Variants in STAG3 observed in about 807,000 individuals in gnomAD.
STAG3 encodes cohesin subunit SA-3.
Under a neutral mutation model 160.7 loss-of-function variants are expected in STAG3, and 101 were observed. That is an observed-to-expected ratio of 0.63 (90% CI 0.54 to 0.74). The LOEUF is 0.74. STAG3 is among the 30% of genes least tolerant of loss of function. The pLI is 0.00. For synonymous variants in STAG3, 519 were observed against 585.0 expected (o/e 0.89, Z 1.63); for missense variants, 1,188 against 1,517.4 (o/e 0.78, Z 3.61).
At chr7:100,199,034 A>C in intron 14 of STAG3, 77 bp downstream of exon 14, 1 of 1,339,624 alleles carries the variant, frequency 7.5e-7, no homozygotes, top group Non-Finnish European at 1.1e-6. Context: ...TCACGCCTGT[A>C]AGCCCAGCAC....
chr7:100,218,602 A>C (rs1419048523), downstream of STAG3: 2 of 399,480 alleles, frequency 5.0e-6, no homozygotes, highest in African/African-American at 2.0e-5. Flanking sequence ...AAGTGAAGGG[A>C]TTTTTCTTTT....
At chr7:100,208,904 A>C (rs1801910721) in intron 29 of STAG3, among the ~76,000 whole-genome samples, 1 of 152,210 alleles carries the variant, frequency 6.6e-6, no homozygotes, top group Non-Finnish European at 1.5e-5. Flanking sequence ...CAAAAAGCCT[A>C]AAAAATAAGT....
intron 29 of STAG3, among the ~76,000 whole-genome samples, chr7:100,206,681 A>G (rs901165584): frequency 6.6e-6 from 1 of 152,034 alleles, no homozygotes; most frequent in African/African-American, 2.4e-5. Flanking sequence ...CATGTTGGCC[A>G]GGCTGGTCTC....
rs1800231553 is a variant in STAG3, at chr7:100,189,592, A to G, written c.863A>G (p.Lys288Arg). 1 of 1,613,062 alleles carries G rather than the reference A, an allele frequency of 6.2e-7. No homozygotes were observed. The highest frequency in any genetic ancestry group is 8.5e-7 in the Non-Finnish European group (1 of 1,179,616). ...CTGGAGAGCCTGTTGGAGAAACGCA[A>G]AGAGGTGAGGAGTGTTCCCTGCTTC... ...ERLESLLEKRKELQEHQEEIE... is the reference protein window; with the variant it reads ...ERLESLLEKRRELQEHQEEIE... The change falls in exon 8 of 34, where the codon AAA becomes AGA. Residue 288 changes from lysine to arginine, a missense_variant. Coordinates refer to ENST00000615138, the MANE Select transcript of STAG3 (RefSeq NM_001282717.2).
chr7:100,215,430 C>T (rs900899545), downstream of STAG3, among the ~76,000 whole-genome samples: 1 of 151,952 alleles, frequency 6.6e-6, no homozygotes, highest in African/African-American at 2.4e-5. Flanking sequence ...GGAGTCAGAG[C>T]TGGGGTGTGG....
chr7:100,200,674 T>C (rs956246299), intron 18 of STAG3, 95 bp from the exon 19 acceptor site: 1 of 1,538,884 alleles, frequency 6.5e-7, no homozygotes, highest in African/African-American at 1.4e-5. Flanking sequence ...ATCTTATCCT[T>C]GAAGTTTAAT....
chr7:100,197,911 G>A (rs1314556353), intron 11 of STAG3, 35 bp downstream of exon 11: 1 of 1,592,698 alleles, frequency 6.3e-7, no homozygotes, highest in Non-Finnish European at 8.6e-7. Flanking sequence ...TTGGCTCTTT[G>A]TCGTGGTTCC....
Position 100,210,289 on chromosome 7 carries a change from G to C in STAG3, c.3239-722G>C, listed in dbSNP as rs551026016. Among the ~76,000 whole-genome samples, 224 of 152,264 alleles carry C rather than the reference G, an allele frequency of 1.5e-3. 5 individuals are homozygous for C. The South Asian group carries it at 0.034, about 23-fold the overall frequency. On this transcript the variant is annotated intron_variant, in intron 29 of 33. Coordinates refer to ENST00000615138, the MANE Select transcript of STAG3 (RefSeq NM_001282717.2). Reference sequence around the variant, plus strand: ...GGGATTATTGTTTTTAGTGGAGAAGGGGGGTAATGGGAGTGTGACTGTTTA... The same window carrying C: ...GGGATTATTGTTTTTAGTGGAGAAGCGGGGTAATGGGAGTGTGACTGTTTA...
chr7:100,213,621 G>A (rs1470634558), intron 32 of STAG3, 114 bp from the exon 33 acceptor site: 11 of 1,554,246 alleles, frequency 7.1e-6, no homozygotes, highest in Non-Finnish European at 9.5e-6. Flanking sequence ...TGCCATAGGG[G>A]CCTGCTGTGC....
intron 15 of STAG3, 54 bp from the exon 16 acceptor site, chr7:100,199,487 G>A: frequency 6.4e-7 from 1 of 1,567,806 alleles, no homozygotes; most frequent in Non-Finnish European, 8.7e-7. Flanking sequence ...GGAGCTTGGA[G>A]TTGGAAGGTG....
intron 8 of STAG3, among the ~76,000 whole-genome samples, chr7:100,194,815 A>G (rs1483811068): frequency 6.6e-6 from 1 of 152,156 alleles, no homozygotes; most frequent in Non-Finnish European, 1.5e-5. Context: ...ATGTAACATT[A>G]AAGATTACTG....
Position 100,198,506 on chromosome 7 carries a change from T to C in STAG3, c.1276T>C (p.Cys426Arg). The C allele has an allele frequency of 1.2e-6, 2 of 1,614,226 alleles. No homozygotes were observed. Among genetic ancestry groups the C allele is most frequent in the Non-Finnish European group, 1.7e-6 (2 of 1,180,042 alleles). The change falls in exon 13 of 34, where the codon TGT (cysteine) becomes CGT (arginine). Residue 426 changes from cysteine (C) to arginine (R), a missense_variant. Transcript: ENST00000615138. ...GGAAGGGGTGCTGACGGACGCGGAT[T>C]GTGAGAGCGTCTACCCAGTTGTGTA... ...NMEGVLTDADCESVYPVVYAS... is the reference protein window; with the variant it reads ...NMEGVLTDADRESVYPVVYAS...
rs779587903 is a variant in STAG3 at position 100,205,099 on chromosome 7, T to C, written c.3046T>C (p.Ser1016Pro). 1.2e-5 allele frequency: 20 copies of C among 1,613,964 alleles called. No individual in the cohort carries two copies. Among genetic ancestry groups the C allele is most frequent in the East Asian group, 2.2e-5 (1 of 44,874 alleles). ...ATTCCTGGAGCTCCTTTCAGAGTTTTCCCCCCGACTCTTCCATCAGGACAA... is the reference window on the plus strand; with the variant it reads ...ATTCCTGGAGCTCCTTTCAGAGTTTCCCCCCCGACTCTTCCATCAGGACAA... The part of the protein sequence containing the change: ...LAFLELLSEF[S>P]PRLFHQDKQL... Residue 1016 changes from serine (S) to proline (P), a missense_variant, in exon 28 of 34, where the codon TCC (serine) becomes CCC (proline). Transcript: ENST00000615138.
intron 8 of STAG3, 29 bp downstream of exon 8, chr7:100,189,625 C>G: frequency 2.5e-6 from 4 of 1,595,110 alleles, no homozygotes; most frequent in Non-Finnish European, 3.4e-6. Context: ...TTCTTCCTTC[C>G]CTTTTTCCCA....
downstream of STAG3, chr7:100,218,651 C>T (rs1196331833): frequency 7.6e-6 from 3 of 392,878 alleles, 1 homozygote; most frequent in East Asian, 2.5e-4. Flanking sequence ...GGTAAGTCAC[C>T]GCATCCTTAT....
chr7:100,211,245 A>G lies in STAG3; in HGVS notation c.3413+60A>G, dbSNP rs1802172795. Reference sequence around the variant, plus strand: ...CCCAGTTTGGTGTCTGGCTGCCTCCATCTTGCTGTTTCTGTTTCATGGTTC... The same window carrying G: ...CCCAGTTTGGTGTCTGGCTGCCTCCGTCTTGCTGTTTCTGTTTCATGGTTC... On this transcript the variant is annotated intron_variant, in intron 30 of 33. Coordinates refer to ENST00000615138, the MANE Select transcript of STAG3 (RefSeq NM_001282717.2). 5.2e-6 allele frequency: 8 copies of G among 1,528,790 alleles called. No homozygotes were observed. The Admixed American group carries it at 6.3e-5, about 12-fold the overall frequency. 94.7% of individuals were successfully genotyped at this position (1,528,790 alleles called of 1,614,324 possible).
intron 11 of STAG3, 93 bp from the exon 12 acceptor site, chr7:100,197,994 G>A (rs984498145): frequency 3.7e-5 from 55 of 1,495,318 alleles, no homozygotes; most frequent in East Asian, 6.8e-5. Flanking sequence ...CTGCCTCTAC[G>A]TAGGCACTCT....
Position 100,180,555 on chromosome 7 carries a change from G to C in STAG3, c.-2G>C, listed in dbSNP as rs1396980458. On this transcript the variant is annotated 5_prime_UTR_variant, in exon 2 of 34. Coordinates refer to ENST00000615138, the MANE Select transcript of STAG3 (RefSeq NM_001282717.2). ...TGGCCTCATAGCTCCTCCTCTCCAA[G>C]CATGTCTTCCCCGTTGCAAAGAGCT... 6.3e-7 allele frequency: 1 copy of C among 1,588,874 alleles called. No homozygotes were observed. Among genetic ancestry groups the C allele is most frequent in the African/African-American group, 1.3e-5 (1 of 74,702 alleles).
chr7:100,195,377 G>A lies in STAG3; in HGVS notation c.936G>A (p.Arg312=). The change falls in exon 9 of 34, where the codon CGG becomes CGA. Residue 312 remains arginine, a synonymous_variant. Transcript: ENST00000615138. ...NALFRGVFVH[R]YRDVLPEIRA... Reference sequence around the variant, plus strand: ...TCTTCAGGGGTGTCTTTGTTCATCGGTACAGGTGAGCTAATGGGCCTCTCT... The same window carrying A: ...TCTTCAGGGGTGTCTTTGTTCATCGATACAGGTGAGCTAATGGGCCTCTCT... The A allele has an allele frequency of 6.2e-7, 1 of 1,613,874 alleles. No individual in the cohort carries two copies. The highest frequency in any genetic ancestry group is 8.5e-7 in the Non-Finnish European group (1 of 1,179,862).
Sources: allele counts gnomAD v4.1 joint callset (sites outside exome capture counted in the v4.1 genomes callset), GRCh38; gene constraint gnomAD v4.1.1; transcripts MANE v1.5; gene names NCBI Gene and HGNC (gene_info 2026-07-23, HGNC 2026-07-21).